Variants in EPS8 observed in about 807,000 individuals in gnomAD.
The protein encoded by EPS8 is EGFR pathway substrate 8, signaling adaptor, also known as epidermal growth factor receptor kinase substrate 8.
Under a neutral mutation model 103.8 loss-of-function variants are expected in EPS8, and 42 were observed. That is an observed-to-expected ratio of 0.40 (90% CI 0.32 to 0.52). The LOEUF (loss-of-function observed/expected upper bound fraction) is 0.52, where lower values mean the gene tolerates loss of function less well. Among genes scored for constraint, EPS8 ranks in the 20% least tolerant of loss-of-function variants. The pLI is 0.40. For missense variants in EPS8, 969 were observed against 1,005.1 expected, an observed-to-expected ratio of 0.96 and a Z score of 0.49; for synonymous variants, 344 against 344.6, an observed-to-expected ratio of 1.00 and a Z score of 0.02.
In EPS8 at chr12:15,654,408, C is replaced by T. The variant is rs1185682462; in HGVS notation, c.1102-115G>A. Reference sequence around the variant, plus strand: ...CACTACTTTTTAATAGTCATATTAACTTTTGATGCTGTGCAATGTGCTACT... The same window carrying T: ...CACTACTTTTTAATAGTCATATTAATTTTTGATGCTGTGCAATGTGCTACT... On this transcript the variant is annotated intron_variant, in intron 12 of 20. Coordinates refer to ENST00000281172, the MANE Select transcript of EPS8 (RefSeq NM_004447.6). 36 of 910,584 alleles carry T rather than the reference C, an allele frequency of 4.0e-5. No homozygotes were observed. The South Asian group carries it at 5.2e-4, about 13-fold the overall frequency. 56.4% of individuals were successfully genotyped at this position (910,584 alleles called of 1,614,324 possible).
Position 15,641,831 on chromosome 12 carries a change from C to A in EPS8, c.1569-1G>T. 2.0e-6 allele frequency: 3 copies of A among 1,492,944 alleles called. No individual in the cohort carries two copies. Among genetic ancestry groups the A allele is most frequent in the Non-Finnish European group, 2.7e-6 (3 of 1,091,902 alleles). The allele number at this position is 1,492,944 out of a possible 1,614,324, so 92.5% of individuals were successfully genotyped here. Reference sequence around the variant, plus strand: ...TTGTGTTTTGAGTGGTTCATAATTTCTATAAAAAGAAAGAAAAAAGATTAT... The same window carrying A: ...TTGTGTTTTGAGTGGTTCATAATTTATATAAAAAGAAAGAAAAAAGATTAT... On this transcript the variant is annotated splice_acceptor_variant, in intron 15 of 20. Coordinates refer to ENST00000281172, the MANE Select transcript of EPS8 (RefSeq NM_004447.6). LOFTEE classifies it high-confidence loss of function.
intron 1 of EPS8, among the ~76,000 whole-genome samples, chr12:15,786,582 A>C (rs1947313646): frequency 6.6e-6 from 1 of 152,080 alleles, no homozygotes; most frequent in South Asian, 2.1e-4. Flanking sequence ...ACAAGATGTT[A>C]ATAAGAGGGG....
intron 1 of EPS8, chr12:15,683,964 G>T (rs994477980): frequency 6.6e-6 from 1 of 152,260 alleles, no homozygotes; most frequent in Admixed American, 6.5e-5. Context: ...GTGAAAGCAT[G>T]AACAAATATT....
At chr12:15,648,963 A>T (rs1461580447) in intron 14 of EPS8, among the ~76,000 whole-genome samples, 1 of 152,228 alleles carries the variant, frequency 6.6e-6, no homozygotes, top group East Asian at 1.9e-4. Context: ...AATAAAGTAT[A>T]ATAAAGTATC....
In EPS8 at chr12:15,647,209, T is replaced by G. The variant is rs761162270; in HGVS notation, c.1486A>C (p.Asn496His). Residue 496 changes from asparagine to histidine, a missense_variant, in exon 15 of 21, where the codon AAC (asparagine) becomes CAC (histidine). Transcript: ENST00000281172. ...AGGTGGGATCCTCTTGTGTAAATGT[T>G]GCTACTGAACGCATAGCCATCGGCT... Reference protein sequence around the residue: ...HPADGYAFSSNIYTRGSHLDQ... With the variant: ...HPADGYAFSSHIYTRGSHLDQ... 6.2e-7 allele frequency: 1 copy of G among 1,613,964 alleles called. No individual in the cohort carries two copies. Among genetic ancestry groups the G allele is most frequent in the Non-Finnish European group, 8.5e-7 (1 of 1,179,868 alleles).
intron 1 of EPS8, among the ~76,000 whole-genome samples, chr12:15,705,456 AT>A (rs1946372878): frequency 6.6e-6 from 1 of 152,200 alleles, no homozygotes. Context: ...ATTCAACAAA[AT>A]AACACCCACT....
At chr12:15,723,913 T>C (rs1946625304) in intron 1 of EPS8, among the ~76,000 whole-genome samples, 1 of 152,176 alleles carries the variant, frequency 6.6e-6, no homozygotes, top group African/African-American at 2.4e-5. Flanking sequence ...AGAATTAAAT[T>C]TGAAGATAAC....
chr12:15,670,980 G>A, intron 3 of EPS8, 57 bp from the exon 4 acceptor site: 2 of 1,282,158 alleles, frequency 1.6e-6, no homozygotes, highest in Non-Finnish European at 2.3e-6. Context: ...AAGTTCATAT[G>A]TTGGTATCAT....
chr12:15,729,210 T>C (rs1368295381), intron 1 of EPS8, among the ~76,000 whole-genome samples: 1 of 152,208 alleles, frequency 6.6e-6, no homozygotes, highest in Non-Finnish European at 1.5e-5. Context: ...TTGAATAAGA[T>C]ATGCCTGTCT....
At chr12:15,628,959 C>A (rs1944996279) in intron 18 of EPS8, among the ~76,000 whole-genome samples, 1 of 152,112 alleles carries the variant, frequency 6.6e-6, no homozygotes, top group African/African-American at 2.4e-5. Flanking sequence ...ATAAAGTTAT[C>A]AAGAAATATT....
chr12:15,702,843 C>CA lies in EPS8; in HGVS notation c.-21-19872dup, dbSNP rs1490441811. On this transcript the variant is annotated intron_variant, in intron 1 of 20. Coordinates refer to ENST00000281172, the MANE Select transcript of EPS8 (RefSeq NM_004447.6). The surrounding 1 kb of genome is among the most constrained non-coding windows in gnomAD (Gnocchi z 5.1). ...AAAGGTAAACATTCAATAGAGTGAGCAAAACCACATAATAAGTTCATTCGA... is the reference window on the plus strand; with the variant it reads ...AAAGGTAAACATTCAATAGAGTGAGCAAAAACCACATAATAAGTTCATTCGA... Among the ~76,000 whole-genome samples the CA allele has an allele frequency of 1.3e-5, 2 of 152,074 alleles. No individual in the cohort carries two copies. Among genetic ancestry groups the CA allele is most frequent in the African/African-American group, 2.4e-5 (1 of 41,420 alleles).
chr12:15,702,679 C>A lies in EPS8; in HGVS notation c.-21-19707G>T, dbSNP rs182615020. On this transcript the variant is annotated intron_variant, in intron 1 of 20. Coordinates refer to ENST00000281172, the MANE Select transcript of EPS8 (RefSeq NM_004447.6). The surrounding 1 kb of genome is among the most constrained non-coding windows in gnomAD (Gnocchi z 5.1). Reference sequence around the variant, plus strand: ...AATATTTTTACCTATATCCAAAACACATATCCAATACAATATATAAATATG... The same window carrying A: ...AATATTTTTACCTATATCCAAAACAAATATCCAATACAATATATAAATATG... Among the ~76,000 whole-genome samples the A allele has an allele frequency of 2.7e-5, 4 of 146,866 alleles. No individual in the cohort carries two copies. The East Asian group carries it at 5.8e-4, about 21-fold the overall frequency.
rs1946934896 is a variant in EPS8 at position 15,751,789 on chromosome 12, T to C, written c.-22+37372A>G. Among the ~76,000 whole-genome samples, 2 of 152,086 alleles carry C rather than the reference T, an allele frequency of 1.3e-5. No homozygotes were observed. Among genetic ancestry groups the C allele is most frequent in the South Asian group, 2.1e-4 (1 of 4,820 alleles). On this transcript the variant is annotated intron_variant, in intron 1 of 20. Coordinates refer to ENST00000281172, the MANE Select transcript of EPS8 (RefSeq NM_004447.6). The surrounding 1 kb of genome is among the most constrained non-coding windows in gnomAD (Gnocchi z 4.3). ...AGTATCCTTCTTACCATACTCTACT[T>C]ACACCATAGCTCAGACAACATGTTA... is the stretch of plus-strand genomic sequence containing the variant.
chr12:15,666,382 G>A, intron 7 of EPS8, 58 bp downstream of exon 7: 4 of 1,312,324 alleles, frequency 3.0e-6, no homozygotes, highest in Non-Finnish European at 4.4e-6. Context: ...AACTCTTTGG[G>A]GAAAAAAGCC....
At chr12:15,741,826 T>G (rs1267966731) in intron 1 of EPS8, among the ~76,000 whole-genome samples, 1 of 152,168 alleles carries the variant, frequency 6.6e-6, no homozygotes, top group Non-Finnish European at 1.5e-5. Context: ...ACTCGTCATT[T>G]ACATTAGGTA....
chr12:15,621,727 A>G (rs920432762), intron 20 of EPS8, among the ~76,000 whole-genome samples: 3 of 152,214 alleles, frequency 2.0e-5, no homozygotes, highest in Non-Finnish European at 4.4e-5. Flanking sequence ...GAAAGAGGAA[A>G]TGTGTACAAT....
At chr12:15,744,479 C>A (rs756761010) in intron 1 of EPS8, among the ~76,000 whole-genome samples, 1 of 152,192 alleles carries the variant, frequency 6.6e-6, no homozygotes, top group Non-Finnish European at 1.5e-5. Flanking sequence ...GCACTTCCAG[C>A]TAATATTTGC....
At chr12:15,766,306 C>T (rs1316866216) in intron 1 of EPS8, among the ~76,000 whole-genome samples, 3 of 150,684 alleles carry the variant, frequency 2.0e-5, no homozygotes, top group South Asian at 2.1e-4. Flanking sequence ...GGTGAAACCC[C>T]GTCTCTACTA....
chr12:15,715,141 T>G (rs1424434098), intron 1 of EPS8, among the ~76,000 whole-genome samples: 3 of 152,146 alleles, frequency 2.0e-5, no homozygotes, highest in Admixed American at 6.5e-5. Context: ...TCACCCAGTA[T>G]CACACTCCCT....
Sources: gnomAD v4.1 joint callset for allele counts (sites outside exome capture counted in the v4.1 genomes callset) on GRCh38, gnomAD v4.1.1 for gene constraint, Gnocchi (gnomAD v3.1) non-coding constraint, MANE v1.5 for transcripts, NCBI Gene and HGNC (gene_info 2026-07-23, HGNC 2026-07-21) for gene names.